The following BAIAP2 variants were observed in gnomAD, a reference collection of about 807,000 sequenced individuals.
BAIAP2 encodes the protein BAR/IMD domain containing adaptor protein 2.
In BAIAP2, 18 loss-of-function variants were observed where a neutral mutation model predicts 63.0. The observed-to-expected ratio is 0.29, with a 90% CI of 0.20 to 0.42. BAIAP2 has a LOEUF of 0.42. Ranked by LOEUF, BAIAP2 falls within the 10% of genes least tolerant of loss-of-function variation. The pLI, the probability that BAIAP2 is intolerant of heterozygous loss-of-function variation, is 1.00. For synonymous variants in BAIAP2, 386 were observed against 307.6 expected, an observed-to-expected ratio of 1.25 and a Z score of -2.67; for missense variants, 610 against 734.3, an observed-to-expected ratio of 0.83 and a Z score of 1.96.
At chr17:81,092,940 A>G (rs1008643059) in intron 6 of BAIAP2, among the ~76,000 whole-genome samples, 1 of 152,024 alleles carries the variant, frequency 6.6e-6, no homozygotes, top group Non-Finnish European at 1.5e-5. Context: ...CTGTGTCCAC[A>G]GGGCCCGGAA....
At chr17:81,078,645 C>G (rs1251307186) in intron 3 of BAIAP2, among the ~76,000 whole-genome samples, 74 of 97,908 alleles carry the variant, frequency 7.6e-4, no homozygotes, top group Middle Eastern at 7.9e-3. Flanking sequence ...GTGCCATCTC[C>G]GAGCTGGGTG....
intron 13 of BAIAP2, among the ~76,000 whole-genome samples, chr17:81,111,862 T>G (rs908370802): frequency 2.0e-5 from 3 of 152,226 alleles, no homozygotes; most frequent in African/African-American, 7.2e-5. Context: ...AGGGCGGCTC[T>G]GCAAAGCCAG....
rs567689401 is a variant in BAIAP2, at chr17:81,060,274, TCCAAAGCATTTTTATCACC to T, written c.217+2315_217+2333del. ...GTGTGCAACCATTGCCCCATCTAAC[TCCAAAGCATTTTTATCACC>T]CCAAAGCGTTTTTAGCACCCCAAAA... is the stretch of plus-strand genomic sequence containing the variant. On this transcript the variant is annotated intron_variant, in intron 3 of 13. Transcript: ENST00000428708. Among the ~76,000 whole-genome samples the T allele has an allele frequency of 3.9e-3, 589 of 152,228 alleles. 5 individuals are homozygous for T. The highest frequency in any genetic ancestry group is 0.014 in the African/African-American group (573 of 41,520).
At position 81,105,096 on chromosome 17, in the gene BAIAP2, AGGGGTCTCCCCCCAGTG is replaced by A. The variant is rs1430745892; in HGVS notation, c.1268+383_1268+399del. 1,233 of 108,662 alleles carry A rather than the reference AGGGGTCTCCCCCCAGTG, an allele frequency of 0.011. 135 individuals are homozygous for A. In the East Asian group the frequency reaches 0.3, roughly 26 times the overall value. The allele number at this position is 108,662 out of a possible 1,614,324, so 6.7% of individuals were successfully genotyped here. On this transcript the variant is annotated intron_variant, in intron 10 of 13. Coordinates refer to ENST00000428708, the MANE Select transcript of BAIAP2 (RefSeq NM_001144888.2). ...ATGGCTCGGGTCTCCCCCCAGCGGC[AGGGGTCTCCCCCCAGTG>A]GCAGGGGTCTGCCCCATGGCAGGGG...
chr17:81,058,133 C>T (rs932385843), intron 3 of BAIAP2, among the ~76,000 whole-genome samples, 166 bp downstream of exon 3: 5 of 152,168 alleles, frequency 3.3e-5, no homozygotes, highest in Non-Finnish European at 7.3e-5. Flanking sequence ...GTGGGGCACA[C>T]CCTGCTGAAA....
chr17:81,076,973 A>T (rs1367385212), intron 3 of BAIAP2, among the ~76,000 whole-genome samples: 1 of 152,282 alleles, frequency 6.6e-6, no homozygotes, highest in Non-Finnish European at 1.5e-5. Context: ...CCTGGCTCTA[A>T]AAAGACAAGA....
chr17:81,103,130 C>T (rs914327878), intron 7 of BAIAP2, among the ~76,000 whole-genome samples: 2 of 152,230 alleles, frequency 1.3e-5, no homozygotes, highest in African/African-American at 2.4e-5. Flanking sequence ...GCACCACCCC[C>T]TCCCCCGGCC....
chr17:81,094,241 CTGTT>C (rs1255371413), intron 6 of BAIAP2, among the ~76,000 whole-genome samples: 4 of 152,192 alleles, frequency 2.6e-5, no homozygotes, highest in Non-Finnish European at 5.9e-5. Context: ...ATCCTCTAGC[CTGTT>C]TGTGTGTCTA....
intron 6 of BAIAP2, among the ~76,000 whole-genome samples, chr17:81,091,909 T>TGGTGGTGCAGCCATGTG (rs551311696): frequency 6.6e-6 from 1 of 152,188 alleles, no homozygotes; most frequent in South Asian, 2.1e-4. Flanking sequence ...GGGGCCTGGC[T>TGGTGGTGCAGCCATGTG]GGTGGTGCAG....
chr17:81,072,347 G>A (rs1338376321), intron 3 of BAIAP2, among the ~76,000 whole-genome samples: 2 of 152,240 alleles, frequency 1.3e-5, no homozygotes, highest in Non-Finnish European at 1.5e-5. Context: ...CATGTAATCA[G>A]GGAACAGGAG....
At chr17:81,067,275 C>T (rs2051658289) in intron 3 of BAIAP2, among the ~76,000 whole-genome samples, 1 of 152,238 alleles carries the variant, frequency 6.6e-6, no homozygotes, top group Non-Finnish European at 1.5e-5. Context: ...TGCCCTGGGC[C>T]CTGCCTCCCG....
intron 6 of BAIAP2, among the ~76,000 whole-genome samples, chr17:81,094,539 G>A (rs565516347): frequency 3.9e-5 from 6 of 152,274 alleles, no homozygotes; most frequent in Admixed American, 6.5e-5. Flanking sequence ...ACCTGCCACC[G>A]GGGCCAGAGG....
chr17:81,041,597 G>A (rs773416023), intron 1 of BAIAP2, among the ~76,000 whole-genome samples: 9 of 151,974 alleles, frequency 5.9e-5, no homozygotes, highest in Non-Finnish European at 1.2e-4. Context: ...TTTTGGAGAC[G>A]GAGTTTTGCT....
intron 7 of BAIAP2, among the ~76,000 whole-genome samples, chr17:81,102,054 C>T (rs970331420): frequency 6.6e-6 from 1 of 151,144 alleles, no homozygotes; most frequent in Non-Finnish European, 1.5e-5. Context: ...GCAGGTCTCC[C>T]AGGAGGGGTT....
At chr17:81,051,374 C>T (rs893225613) in intron 1 of BAIAP2, among the ~76,000 whole-genome samples, 4 of 152,260 alleles carry the variant, frequency 2.6e-5, no homozygotes, top group Middle Eastern at 3.4e-3. Flanking sequence ...CCAGAGGGAT[C>T]TTCTCTTTTG....
chr17:81,084,076 G>A (rs2145244371), intron 3 of BAIAP2, among the ~76,000 whole-genome samples: 1 of 152,326 alleles, frequency 6.6e-6, no homozygotes, highest in South Asian at 2.1e-4. Flanking sequence ...CTTACCCTGT[G>A]CCGCCACGAT....
At chr17:81,103,119 A>G (rs939166981) in intron 7 of BAIAP2, among the ~76,000 whole-genome samples, 1 of 152,234 alleles carries the variant, frequency 6.6e-6, no homozygotes, top group South Asian at 2.1e-4. Flanking sequence ...CCCACTGGGC[A>G]GCACCACCCC....
intron 3 of BAIAP2, among the ~76,000 whole-genome samples, chr17:81,066,460 T>A (rs1017375837): frequency 1.3e-5 from 2 of 152,096 alleles, no homozygotes; most frequent in African/African-American, 4.8e-5. Flanking sequence ...TTGTCCAGAG[T>A]GAGGCAGGTG....
intron 5 of BAIAP2, 43 bp from the exon 6 acceptor site, chr17:81,086,400 G>A (rs1269946667): frequency 1.2e-6 from 2 of 1,605,748 alleles, no homozygotes; most frequent in African/African-American, 1.3e-5. Context: ...CGCTGCGTTG[G>A]GTTCATGGGC....
Sources: gnomAD v4.1 joint callset for allele counts (sites outside exome capture counted in the v4.1 genomes callset) on GRCh38, gnomAD v4.1.1 for gene constraint, MANE v1.5 for transcripts, NCBI Gene and HGNC (gene_info 2026-07-23, HGNC 2026-07-21) for gene names.